TMEM237: variants seen among roughly 807,000 people sequenced by gnomAD.
TMEM237 encodes the protein amyotrophic lateral sclerosis 2 (juvenile) chromosome region, candidate 4.
TMEM237 carries 51 observed loss-of-function variants against 59.1 expected under a neutral mutation model. That is an observed-to-expected ratio of 0.86 (90% confidence interval 0.69 to 1.09). TMEM237 has a LOEUF of 1.09. Among genes scored for constraint, TMEM237 ranks in the 50% least tolerant of loss-of-function variants. The probability of loss-of-function intolerance (pLI) is 0.00; values close to 1 mark genes in which losing one functional copy is unlikely to be tolerated. For missense variants in TMEM237, 475 were observed against 478.3 expected (o/e 0.99, Z 0.06); for synonymous variants, 140 against 166.1 (o/e 0.84, Z 1.21).
Position 201,635,462 on chromosome 2 carries a change from T to C in TMEM237, c.274+1286A>G, listed in dbSNP as rs1170502515. Among the ~76,000 whole-genome samples, 3 of 152,124 alleles carry C rather than the reference T, an allele frequency of 2.0e-5. No individual in the cohort carries two copies. Among genetic ancestry groups the C allele is most frequent in the African/African-American group, 7.2e-5 (3 of 41,432 alleles). ...CAATGCCAAGGACTGTCAACAACCA[T>C]AAGAAGCTAGAAGAAATGGCCAGGC... is the stretch of plus-strand genomic sequence containing the variant. On this transcript the variant is annotated intron_variant, in intron 5 of 12. Coordinates refer to ENST00000409883, the MANE Select transcript of TMEM237 (RefSeq NM_001044385.3). This position sits in a 1 kb window ranked among gnomAD's most constrained non-coding sequence, Gnocchi z 4.5.
chr2:201,624,935 C>G (rs190564804), intron 12 of TMEM237, among the ~76,000 whole-genome samples: 1 of 152,318 alleles, frequency 6.6e-6, no homozygotes, highest in African/African-American at 2.4e-5. Flanking sequence ...TATTAGCTGA[C>G]ATTTTCTACA....
intron 12 of TMEM237, among the ~76,000 whole-genome samples, chr2:201,624,910 C>T (rs1348220784): frequency 6.6e-6 from 1 of 152,160 alleles, no homozygotes; most frequent in African/African-American, 2.4e-5. Flanking sequence ...TGATCCCAGC[C>T]ACAATGTAGA....
chr2:201,627,163 C>T (rs964104882), intron 11 of TMEM237, among the ~76,000 whole-genome samples, 158 bp downstream of exon 11: 2 of 151,124 alleles, frequency 1.3e-5, no homozygotes, highest in African/African-American at 4.9e-5. Context: ...GTGGACATAA[C>T]AATAGTTACC....
Position 201,643,202 on chromosome 2 carries a change from G to A in TMEM237, c.42+157C>T, listed in dbSNP as rs1687467168. 6.6e-6 allele frequency among the ~76,000 whole-genome samples: 1 copy of A among 152,136 alleles called. No homozygotes were observed. Among genetic ancestry groups the A allele is most frequent in the African/African-American group, 2.4e-5 (1 of 41,444 alleles). On this transcript the variant is annotated intron_variant, in intron 1 of 12. Coordinates refer to ENST00000409883, the MANE Select transcript of TMEM237 (RefSeq NM_001044385.3). This position sits in a 1 kb window ranked among gnomAD's most constrained non-coding sequence, Gnocchi z 4.3. Reference sequence around the variant, plus strand: ...TCGCCTGCGTCTCCGTCCCATTCCTGTGAACACTGGAGGGGCGGATGCGCG... The same window carrying A: ...TCGCCTGCGTCTCCGTCCCATTCCTATGAACACTGGAGGGGCGGATGCGCG...
At position 201,621,653 on chromosome 2, in the gene TMEM237, C is replaced by T. The variant is rs1005759924; in HGVS notation, c.*2602G>A. On this transcript the variant is annotated 3_prime_UTR_variant, in exon 13 of 13. Transcript: ENST00000409883. ...TATTGAAATGACAGAGTTTTAGAAA[C>T]TGAGCTCTTTGTACCTGGCCAAGGG... The T allele has an allele frequency of 6.6e-6, 1 of 152,612 alleles. No homozygotes were observed. Among genetic ancestry groups the T allele is most frequent in the Admixed American group, 6.5e-5 (1 of 15,274 alleles). The allele number at this position is 152,612 out of a possible 1,614,324, so 9.5% of individuals were successfully genotyped here.
rs1219099790 is a variant in TMEM237, at chr2:201,636,456, GTCCATT to G, written c.274+286_274+291del. The G allele has an allele frequency of 9.3e-5, 26 of 280,702 alleles. No individual in the cohort carries two copies. The Admixed American group carries it at 1.3e-3, about 14-fold the overall frequency. 17.4% of individuals were successfully genotyped at this position (280,702 alleles called of 1,614,324 possible). A position where few individuals can be genotyped will look rare whatever the true frequency, so the allele number is the denominator to read the frequency against. ...TACCATTTCCCCACTAATCTGAAAT[GTCCATT>G]TCATCATTTACTAGATTTTTCTATG... On this transcript the variant is annotated intron_variant, in intron 5 of 12. Coordinates refer to ENST00000409883, the MANE Select transcript of TMEM237 (RefSeq NM_001044385.3).
chr2:201,634,888 C>T lies in TMEM237; in HGVS notation c.275-1457G>A, dbSNP rs566220806. On this transcript the variant is annotated intron_variant, in intron 5 of 12. Coordinates refer to ENST00000409883, the MANE Select transcript of TMEM237 (RefSeq NM_001044385.3). ...ATTCTTCCATCCAATCAAGACACGC[C>T]GTTTTCTAGAAGGACAAGTAATTAG... 9 of 449,404 alleles carry T rather than the reference C, an allele frequency of 2.0e-5. No individual in the cohort carries two copies. The East Asian group carries it at 3.0e-4, about 15-fold the overall frequency. The allele number at this position is 449,404 out of a possible 1,614,324, so 27.8% of individuals were successfully genotyped here.
intron 8 of TMEM237, 120 bp from the exon 9 acceptor site, chr2:201,629,541 C>T (rs1489306368): frequency 2.8e-5 from 36 of 1,306,536 alleles, no homozygotes; most frequent in Non-Finnish European, 3.6e-5. Context: ...TAAAAGCAAG[C>T]TCTTTCTTTT....
intron 7 of TMEM237, chr2:201,630,998 T>TGCTACCATGG (rs1307331192): frequency 6.6e-6 from 1 of 152,206 alleles, no homozygotes; most frequent in African/African-American, 2.4e-5. Context: ...ATGCTTAACA[T>TGCTACCATGG]ATCCATGGTA....
intron 7 of TMEM237, 100 bp from the exon 8 acceptor site, chr2:201,629,952 T>C: frequency 6.9e-7 from 1 of 1,449,656 alleles, no homozygotes; most frequent in East Asian, 2.4e-5. Context: ...AAACTAAGAC[T>C]GAAATATTGC....
At chr2:201,633,568 A>T in intron 5 of TMEM237, 137 bp from the exon 6 acceptor site, 1 of 629,412 alleles carries the variant, frequency 1.6e-6, no homozygotes, top group African/African-American at 1.9e-5. Flanking sequence ...CAAATTTTTA[A>T]TTTTTTAAAA....
At position 201,624,212 on chromosome 2, in the gene TMEM237, G is replaced by A. The variant is rs1470780787; in HGVS notation, c.*43C>T. The A allele has an allele frequency of 6.6e-7, 1 of 1,519,616 alleles. No individual in the cohort carries two copies. The highest frequency in any genetic ancestry group is 9.1e-7 in the Non-Finnish European group (1 of 1,102,808). 94.1% of individuals were successfully genotyped at this position (1,519,616 alleles called of 1,614,324 possible). A position where few individuals can be genotyped will look rare whatever the true frequency, so the allele number is the denominator to read the frequency against. On this transcript the variant is annotated 3_prime_UTR_variant, in exon 13 of 13. Coordinates refer to ENST00000409883, the MANE Select transcript of TMEM237 (RefSeq NM_001044385.3). ...TAAAAATACATTTAAAAACAAAAAT[G>A]GGACAAATACTGGGTCATTATTCCT... is the stretch of plus-strand genomic sequence containing the variant.
chr2:201,640,893 C>CT lies in TMEM237; in HGVS notation c.73dup (p.Ser25LysfsTer4), dbSNP rs1559590832. 2.2e-5 allele frequency: 35 copies of CT among 1,591,756 alleles called. No individual in the cohort carries two copies. Among genetic ancestry groups the CT allele is most frequent in the Non-Finnish European group, 3.0e-5 (35 of 1,165,326 alleles). On this transcript the variant is annotated frameshift_variant and splice_region_variant, in exon 2 of 13. Coordinates refer to ENST00000409883, the MANE Select transcript of TMEM237 (RefSeq NM_001044385.3). LOFTEE classifies it high-confidence loss of function. Reference sequence around the variant, plus strand: ...TGAAATTACTGTAAATTATTTTTACCTTGGCACAGGTGGAAGAGCTCGTGG... The same window carrying CT: ...TGAAATTACTGTAAATTATTTTTACCTTTGGCACAGGTGGAAGAGCTCGTGG...
At chr2:201,642,813 A>C (rs1687457156) in intron 1 of TMEM237, 5 of 1,360,626 alleles carry the variant, frequency 3.7e-6, no homozygotes, top group Non-Finnish European at 4.7e-6. Flanking sequence ...GCCAGTCCAG[A>C]CTAGCCCTGC....
At chr2:201,633,503 TAA>T in intron 5 of TMEM237, 72 bp from the exon 6 acceptor site, 1 of 1,206,178 alleles carries the variant, frequency 8.3e-7, no homozygotes, top group Non-Finnish European at 1.1e-6. Context: ...AAGACTTGTA[TAA>T]GAGAAAAGAA....
chr2:201,642,763 C>T lies in TMEM237; in HGVS notation c.42+596G>A, dbSNP rs1028925670. On this transcript the variant is annotated intron_variant, in intron 1 of 12. Transcript: ENST00000409883. The stretch of plus-strand genomic sequence containing the variant: ...CTAGTACCCCGCGCGCAGCGCCCTG[C>T]GGGGATGTTGCGGTGAGAGGCGTGC... 1.2e-5 allele frequency: 17 copies of T among 1,443,852 alleles called. No individual in the cohort carries two copies. The Middle Eastern group carries it at 5.6e-4, about 47-fold the overall frequency. The allele number at this position is 1,443,852 out of a possible 1,614,324, so 89.4% of individuals were successfully genotyped here.
Position 201,643,299 on chromosome 2 carries a change from C to G in TMEM237, c.42+60G>C. The G allele has an allele frequency of 6.6e-7, 1 of 1,513,302 alleles. No individual in the cohort carries two copies. The highest frequency in any genetic ancestry group is 1.2e-5 in the South Asian group (1 of 82,754). The allele number at this position is 1,513,302 out of a possible 1,614,324, so 93.7% of individuals were successfully genotyped here. A position where few individuals can be genotyped will look rare whatever the true frequency, so the allele number is the denominator to read the frequency against. On this transcript the variant is annotated intron_variant, in intron 1 of 12. Transcript: ENST00000409883. The surrounding 1 kb of genome is among the most constrained non-coding windows in gnomAD (Gnocchi z 4.3). ...GCCCCCCCACACACACCCACCCCCA[C>G]TGCCAAGTGTAGCTGTTTACCCGCC...
chr2:201,637,024 T>A, intron 4 of TMEM237, 139 bp from the exon 5 acceptor site: 1 of 835,472 alleles, frequency 1.2e-6, no homozygotes, highest in Non-Finnish European at 1.7e-6. Flanking sequence ...CCCCCAAATC[T>A]TTCCTTCCTC....
intron 12 of TMEM237, among the ~76,000 whole-genome samples, chr2:201,625,299 T>C (rs1342623143): frequency 6.6e-6 from 1 of 151,784 alleles, no homozygotes; most frequent in African/African-American, 2.4e-5. Context: ...GAGGCGGAGC[T>C]TGCAGTGAGC....
Sources: allele counts gnomAD v4.1 joint callset (sites outside exome capture counted in the v4.1 genomes callset), GRCh38; gene constraint gnomAD v4.1.1; non-coding constraint Gnocchi (gnomAD v3.1); transcripts MANE v1.5; gene names NCBI Gene and HGNC (gene_info 2026-07-23, HGNC 2026-07-21).